Variants in BCAT2 observed in about 807,000 individuals in gnomAD.
BCAT2 encodes the protein branched-chain-amino-acid aminotransferase, mitochondrial.
In BCAT2, 44 loss-of-function variants were observed where a neutral mutation model predicts 52.9. That is an observed-to-expected ratio of 0.83 (90% CI 0.65 to 1.07). BCAT2 has a LOEUF of 1.07. Ranked by LOEUF, BCAT2 falls within the 50% of genes least tolerant of loss-of-function variation. The pLI, the probability that BCAT2 is intolerant of heterozygous loss-of-function variation, is 0.00. For missense variants in BCAT2, 478 were observed against 521.8 expected (o/e 0.92, Z 0.82); for synonymous variants, 215 against 217.1 (o/e 0.99, Z 0.08).
intron 1 of BCAT2, chr19:48,808,034 T>C: frequency 1.0e-6 from 1 of 987,008 alleles, no homozygotes. Context: ...GCCTGCCCTG[T>C]GAGCTGGGTG....
At chr19:48,810,914 C>G in intron 1 of BCAT2, 70 bp downstream of exon 1, 2 of 1,575,066 alleles carry the variant, frequency 1.3e-6, no homozygotes, top group Admixed American at 3.6e-5. Flanking sequence ...CGGCTGCAGG[C>G]CAGTGGTCTT....
At chr19:48,801,425 C>A (rs1157156450) in intron 3 of BCAT2, among the ~76,000 whole-genome samples, 1 of 152,076 alleles carries the variant, frequency 6.6e-6, no homozygotes, top group Non-Finnish European at 1.5e-5. Flanking sequence ...ATACTTAAAA[C>A]AGAGTGACAC....
intron 8 of BCAT2, 47 bp downstream of exon 8, chr19:48,796,890 G>A (rs2034535364): frequency 6.2e-7 from 1 of 1,607,730 alleles, no homozygotes; most frequent in Admixed American, 1.7e-5. Flanking sequence ...CTGATGCCCT[G>A]GCCCCTGGCA....
At position 48,799,833 on chromosome 19, in the gene BCAT2, C is replaced by T; in HGVS notation, c.537G>A (p.Ser179=). 2 of 1,558,178 alleles carry T rather than the reference C, an allele frequency of 1.3e-6. No individual in the cohort carries two copies. The highest frequency in any genetic ancestry group is 1.7e-6 in the Non-Finnish European group (2 of 1,151,072). Residue 179 remains serine, a synonymous_variant, in exon 6 of 11, where the codon TCG becomes TCA. Transcript: ENST00000316273. This position sits in a 1 kb window ranked among gnomAD's most constrained non-coding sequence, Gnocchi z 5.5. ...CGCGCGTGGGCTGGCTGACACCCAG[C>T]GAGGGCTGCGACGGGCAAAGGGACA... ...VRPVLIGNEP[S]LGVSQPTRAL...
chr19:48,800,341 C>G lies in BCAT2; in HGVS notation c.301-44G>C, dbSNP rs761995345. ...GGGGAGGCTCAGAGACTTCTCCAGA[C>G]AGTCATGAGAGACACCAAGACAGAC... On this transcript the variant is annotated intron_variant, in intron 3 of 10. Transcript: ENST00000316273. The G allele has an allele frequency of 1.5e-5, 23 of 1,551,276 alleles. 1 individual carries two copies. In the South Asian group the frequency reaches 2.1e-4, roughly 14 times the overall value.
At chr19:48,796,363 T>C in intron 10 of BCAT2, 65 bp downstream of exon 10, 1 of 1,593,700 alleles carries the variant, frequency 6.3e-7, no homozygotes, top group Non-Finnish European at 8.6e-7. Flanking sequence ...GTCCAGGGGC[T>C]CATGGGACAC....
chr19:48,803,559 T>C (rs1354791119), intron 3 of BCAT2, among the ~76,000 whole-genome samples: 1 of 151,382 alleles, frequency 6.6e-6, no homozygotes, highest in Non-Finnish European at 1.5e-5. Context: ...ACAACAAAAA[T>C]GCAGGTGGCC....
Position 48,795,107 on chromosome 19 carries a change from GA to G in BCAT2, c.*318del, listed in dbSNP as rs370156243. 1.3e-4 allele frequency: 57 copies of G among 428,712 alleles called. No individual in the cohort carries two copies. Among genetic ancestry groups the G allele is most frequent in the Middle Eastern group, 6.4e-4 (1 of 1,560 alleles). 26.6% of individuals were successfully genotyped at this position (428,712 alleles called of 1,614,324 possible). On this transcript the variant is annotated 3_prime_UTR_variant, in exon 11 of 11. Coordinates refer to ENST00000316273, the MANE Select transcript of BCAT2 (RefSeq NM_001190.4). Reference sequence around the variant, plus strand: ...ATTTCAAAATTGCAGCAAAGACAGAGAAAAAAAAATCAACGGCAGCACCAGG... The same window carrying G: ...ATTTCAAAATTGCAGCAAAGACAGAGAAAAAAAATCAACGGCAGCACCAGG...
At chr19:48,809,066 C>CAA (rs3057799) in intron 1 of BCAT2, among the ~76,000 whole-genome samples, 10,729 of 28,918 alleles carry the variant, frequency 0.37, 4,245 homozygotes, top group Middle Eastern at 0.61. Flanking sequence ...GAGTGTCTCT[C>CAA]AAAAAAAAAA....
rs754704131 is a variant in BCAT2 at position 48,806,708 on chromosome 19, G to C, written c.109C>G (p.Leu37Val). 2 of 1,613,210 alleles carry C rather than the reference G, an allele frequency of 1.2e-6. No individual in the cohort carries two copies. Among genetic ancestry groups the C allele is most frequent in the Non-Finnish European group, 8.5e-7 (1 of 1,180,026 alleles). ...GGCTTCTGTGTCATTTCCAGCTGCA[G>C]GTCTGCAGCCTGAGGAAAGACAGGG... ...YASSSFKAAD[L>V]QLEMTQKPHK... Residue 37 changes from leucine to valine, a missense_variant, in exon 3 of 11, where the codon CTG becomes GTG. Leu to Val is a conservative substitution (Grantham distance 32). Transcript: ENST00000316273.
In BCAT2 at chr19:48,796,310, G is replaced by T. The variant is rs751240298; in HGVS notation, c.1140+118C>A. On this transcript the variant is annotated intron_variant, in intron 10 of 10. Coordinates refer to ENST00000316273, the MANE Select transcript of BCAT2 (RefSeq NM_001190.4). Reference sequence around the variant, plus strand: ...ACTCTCCAGGGCCTCAATAAGAAAGGCCATTATCTGTTCCTGGTACTACTG... The same window carrying T: ...ACTCTCCAGGGCCTCAATAAGAAAGTCCATTATCTGTTCCTGGTACTACTG... 3.9e-6 allele frequency: 5 copies of T among 1,296,328 alleles called. No individual in the cohort carries two copies. The African/African-American group carries it at 4.4e-5, about 11-fold the overall frequency. The allele number at this position is 1,296,328 out of a possible 1,614,324, so 80.3% of individuals were successfully genotyped here.
At chr19:48,809,777 A>T (rs2034879660) in intron 1 of BCAT2, among the ~76,000 whole-genome samples, 1 of 152,160 alleles carries the variant, frequency 6.6e-6, no homozygotes. Context: ...TAAAAAAAAA[A>T]AAAAAATCCC....
Position 48,799,881 on chromosome 19 carries a change from G to C in BCAT2, c.532-43C>G, listed in dbSNP as rs79924510. The C allele has an allele frequency of 4.5e-3, 7,103 of 1,581,036 alleles. 278 individuals carry two copies. The African/African-American group carries it at 0.085, about 19-fold the overall frequency. ...ACAGCGTCAGGAGTCCAGGCCCCCA[G>C]TCCCTTCCCGTCCCCAGGCCCAGGC... On this transcript the variant is annotated intron_variant, in intron 5 of 10. Transcript: ENST00000316273. The surrounding 1 kb of genome is among the most constrained non-coding windows in gnomAD (Gnocchi z 5.5).
At position 48,795,211 on chromosome 19, in the gene BCAT2, G is replaced by A. The variant is rs1177827996; in HGVS notation, c.*215C>T. 2 of 628,168 alleles carry A rather than the reference G, an allele frequency of 3.2e-6. No homozygotes were observed. Among genetic ancestry groups the A allele is most frequent in the African/African-American group, 1.8e-5 (1 of 54,880 alleles). 38.9% of individuals were successfully genotyped at this position (628,168 alleles called of 1,614,324 possible). Reference sequence around the variant, plus strand: ...ACCGCACGACAAGGAGTAATGGGCGGACCTGAACCCGCGACGAGGGGCTGG... The same window carrying A: ...ACCGCACGACAAGGAGTAATGGGCGAACCTGAACCCGCGACGAGGGGCTGG... On this transcript the variant is annotated 3_prime_UTR_variant, in exon 11 of 11. Coordinates refer to ENST00000316273, the MANE Select transcript of BCAT2 (RefSeq NM_001190.4).
At chr19:48,797,586 T>C (rs541974033) in intron 6 of BCAT2, 33 of 446,190 alleles carry the variant, frequency 7.4e-5, no homozygotes, top group Non-Finnish European at 1.3e-4. Flanking sequence ...AGTCTCGCTC[T>C]GTCACCCAGG....
intron 7 of BCAT2, 70 bp downstream of exon 7, chr19:48,797,121 T>C (rs920337513): frequency 1.0e-5 from 16 of 1,606,616 alleles, no homozygotes; most frequent in Middle Eastern, 1.7e-4. Flanking sequence ...CCCTGGGGCC[T>C]GTAACCTGCC....
rs754094858 is a variant in BCAT2 at position 48,795,442 on chromosome 19, C to T, written c.1163G>A (p.Trp388Ter). ...CCTGCAGCTTCACACCGGGAACATC[C>T]ACTCGTGGGCTCTGATTCCGTACTG... is the stretch of plus-strand genomic sequence containing the variant. ...EIQYGIRAHEWMFPV is the reference protein window; with the variant it reads ...EIQYGIRAHE Residue 388 changes from tryptophan (W) to a stop codon, truncating the protein, a stop_gained, in exon 11 of 11, where the codon TGG (tryptophan) becomes TAG (stop). Coordinates refer to ENST00000316273, the MANE Select transcript of BCAT2 (RefSeq NM_001190.4). LOFTEE classifies it high-confidence loss of function. 3 of 1,613,990 alleles carry T rather than the reference C, an allele frequency of 1.9e-6. No homozygotes were observed. Among genetic ancestry groups the T allele is most frequent in the African/African-American group, 1.3e-5 (1 of 75,028 alleles).
rs1203356093 is a variant in BCAT2, at chr19:48,795,942, G to A, written c.1141-478C>T. Reference sequence around the variant, plus strand: ...GGCTCATGGGAGGAAGCTTTCTCCGGCCAAAGGGATAGCCCAGGGCTCCAG... The same window carrying A: ...GGCTCATGGGAGGAAGCTTTCTCCGACCAAAGGGATAGCCCAGGGCTCCAG... On this transcript the variant is annotated intron_variant, in intron 10 of 10. Transcript: ENST00000316273. The A allele has an allele frequency of 4.6e-5, 12 of 262,256 alleles. No individual in the cohort carries two copies. The East Asian group carries it at 9.7e-4, about 21-fold the overall frequency. The allele number at this position is 262,256 out of a possible 1,614,324, so 16.2% of individuals were successfully genotyped here. A position where few individuals can be genotyped will look rare whatever the true frequency, so the allele number is the denominator to read the frequency against.
chr19:48,803,657 G>A (rs1450463668), intron 3 of BCAT2, among the ~76,000 whole-genome samples: 1 of 152,152 alleles, frequency 6.6e-6, no homozygotes, highest in Non-Finnish European at 1.5e-5. Context: ...AAACCAGCCT[G>A]GGTAACATGG....
Sources: allele counts gnomAD v4.1 joint callset (sites outside exome capture counted in the v4.1 genomes callset), GRCh38; gene constraint gnomAD v4.1.1; non-coding constraint Gnocchi (gnomAD v3.1); transcripts MANE v1.5; gene names NCBI Gene and HGNC (gene_info 2026-07-23, HGNC 2026-07-21).